Variants in CEP112 observed in about 807,000 individuals in gnomAD.
CEP112 encodes the protein centrosomal protein of 112 kDa.
Under a neutral mutation model 153.0 loss-of-function variants are expected in CEP112, and 127 were observed. The observed-to-expected ratio is 0.83, with a 90% CI of 0.72 to 0.96. The LOEUF is 0.96. Among genes scored for constraint, CEP112 ranks in the 40% least tolerant of loss-of-function variants. The probability of loss-of-function intolerance (pLI) is 0.00; values close to 1 mark genes in which losing one functional copy is unlikely to be tolerated. For missense variants in CEP112, 1,089 were observed against 1,101.2 expected (o/e 0.99, Z 0.16); for synonymous variants, 358 against 374.4 (o/e 0.96, Z 0.51).
chr17:65,969,135 G>A (rs1018391431), intron 17 of CEP112, among the ~76,000 whole-genome samples: 4 of 148,900 alleles, frequency 2.7e-5, no homozygotes, highest in African/African-American at 1.0e-4. Context: ...CAGCTAGAGT[G>A]CAGTGGTGCG....
intron 19 of CEP112, among the ~76,000 whole-genome samples, chr17:65,925,569 C>A (rs1258858306): frequency 2.0e-5 from 3 of 152,126 alleles, no homozygotes; most frequent in South Asian, 2.1e-4. Context: ...GAAGAATGTG[C>A]CTTTAAAATC....
At chr17:65,734,163 A>G (rs771999797) in intron 23 of CEP112, among the ~76,000 whole-genome samples, 1 of 152,224 alleles carries the variant, frequency 6.6e-6, no homozygotes, top group Non-Finnish European at 1.5e-5. Context: ...CAAACACTTC[A>G]TTAGAGGGAT....
chr17:65,931,497 C>T (rs1165206624), intron 18 of CEP112, among the ~76,000 whole-genome samples: 1 of 152,182 alleles, frequency 6.6e-6, no homozygotes, highest in Non-Finnish European at 1.5e-5. Context: ...GCAGGAGGCC[C>T]ACTTCTGCCT....
intron 12 of CEP112, among the ~76,000 whole-genome samples, chr17:66,032,829 T>A (rs992118678): frequency 1.9e-4 from 29 of 152,054 alleles, no homozygotes; most frequent in Admixed American, 4.6e-4. Flanking sequence ...ATATGAGACA[T>A]CACACAAAAT....
At position 66,057,361 on chromosome 17, in the gene CEP112, T is replaced by C. The variant is rs181448830; in HGVS notation, c.1075-3482A>G. Among the ~76,000 whole-genome samples the C allele has an allele frequency of 8.6e-4, 131 of 152,278 alleles. 3 individuals are homozygous for C. In the South Asian group the frequency reaches 8.7e-3, roughly 10 times the overall value. On this transcript the variant is annotated intron_variant, in intron 11 of 26. Coordinates refer to ENST00000535342, the MANE Select transcript of CEP112 (RefSeq NM_001199165.4). ...AGTAGCTGAGTTGATCCCTATCCCATAGAGAATACCCTACTGGGTAGGTAT... is the reference window on the plus strand; with the variant it reads ...AGTAGCTGAGTTGATCCCTATCCCACAGAGAATACCCTACTGGGTAGGTAT...
rs2065571234 is a variant in CEP112 at position 66,033,284 on chromosome 17, AAT to A, written c.1219-3263_1219-3262del. On this transcript the variant is annotated intron_variant, in intron 12 of 26. Transcript: ENST00000535342. ...AAACTATACATGAAAATAATATACA[AAT>A]AGAGTATACTGTAAAAGTCACACAG... is the stretch of plus-strand genomic sequence containing the variant. Among the ~76,000 whole-genome samples the A allele has an allele frequency of 2.0e-4, 4 of 19,926 alleles. No individual in the cohort carries two copies. The South Asian group carries it at 4.3e-3, about 21-fold the overall frequency. The allele number at this position is 19,926 out of a possible 152,430, so 13.1% of individuals were successfully genotyped here.
intron 12 of CEP112, among the ~76,000 whole-genome samples, chr17:66,040,963 T>G (rs1200304475): frequency 6.6e-6 from 1 of 152,224 alleles, no homozygotes; most frequent in Admixed American, 6.5e-5. Flanking sequence ...TATCATTTTA[T>G]CTGCACATTT....
intron 16 of CEP112, among the ~76,000 whole-genome samples, chr17:66,025,265 C>T (rs1035291305): frequency 3.3e-5 from 5 of 151,918 alleles, no homozygotes; most frequent in African/African-American, 9.7e-5. Flanking sequence ...GCACAAGCAA[C>T]AAAAACAGAC....
At chr17:65,914,869 C>T (rs1210373197) in intron 19 of CEP112, among the ~76,000 whole-genome samples, 2 of 152,238 alleles carry the variant, frequency 1.3e-5, no homozygotes, top group Non-Finnish European at 2.9e-5. Context: ...AACGCATTGT[C>T]TGTCCACCCA....
At chr17:65,780,945 G>C (rs2145623379) in intron 21 of CEP112, among the ~76,000 whole-genome samples, 1 of 151,786 alleles carries the variant, frequency 6.6e-6, no homozygotes, top group East Asian at 1.9e-4. Flanking sequence ...TGGTTCAATT[G>C]GGTAAGAAAA....
intron 21 of CEP112, among the ~76,000 whole-genome samples, chr17:65,776,160 C>T (rs1567996567): frequency 6.6e-6 from 1 of 152,174 alleles, no homozygotes; most frequent in Non-Finnish European, 1.5e-5. Flanking sequence ...ATCTCTATGC[C>T]ACCCCAAACC....
chr17:65,824,527 T>C (rs901448546), intron 21 of CEP112, among the ~76,000 whole-genome samples: 4 of 152,304 alleles, frequency 2.6e-5, no homozygotes, highest in Middle Eastern at 3.4e-3. Flanking sequence ...ATATAAGTTA[T>C]AGTTGTTTTA....
chr17:66,150,547 T>C (rs1355108830), intron 4 of CEP112, among the ~76,000 whole-genome samples: 1 of 152,358 alleles, frequency 6.6e-6, no homozygotes, highest in East Asian at 1.9e-4. Flanking sequence ...GTGTTCTTTA[T>C]GTCTGTTAGG....
intron 20 of CEP112, among the ~76,000 whole-genome samples, chr17:65,892,211 G>A (rs940208676): frequency 1.3e-5 from 2 of 152,258 alleles, no homozygotes; most frequent in Admixed American, 6.5e-5. Flanking sequence ...CCTAGGGCCC[G>A]GCACAGGGTA....
chr17:65,660,760 CCCAGGCTGGGCAAT>C (rs2046350997), intron 24 of CEP112, among the ~76,000 whole-genome samples: 1 of 151,940 alleles, frequency 6.6e-6, no homozygotes, highest in Non-Finnish European at 1.5e-5. Context: ...TGTTGCCCAG[CCCAGGCTGGGCAAT>C]CTACCTGCTT....
At chr17:65,923,328 G>A (rs1278180943) in intron 19 of CEP112, among the ~76,000 whole-genome samples, 1 of 151,994 alleles carries the variant, frequency 6.6e-6, no homozygotes, top group Non-Finnish European at 1.5e-5. Context: ...CATATAAATT[G>A]TCTGAATTTA....
At chr17:65,786,572 C>CTTTTTTTTTTTTTTT (rs1195368604) in intron 21 of CEP112, among the ~76,000 whole-genome samples, 38 of 101,598 alleles carry the variant, frequency 3.7e-4, no homozygotes, top group African/African-American at 4.9e-4. Context: ...TTAGCCAATT[C>CTTTTTTTTTTTTTTT]TTTTTTTTTT....
intron 11 of CEP112, among the ~76,000 whole-genome samples, chr17:66,059,923 A>G (rs1470198164): frequency 6.6e-6 from 1 of 152,188 alleles, no homozygotes; most frequent in Non-Finnish European, 1.5e-5. Context: ...TGGATTGGAT[A>G]AAGAAAATGT....
intron 23 of CEP112, among the ~76,000 whole-genome samples, chr17:65,691,871 C>A (rs1366531356): frequency 6.6e-6 from 1 of 152,170 alleles, no homozygotes; most frequent in Non-Finnish European, 1.5e-5. Context: ...TCAGAGTGAA[C>A]TTCTTAAACT....
Sources: allele counts gnomAD v4.1 joint callset (sites outside exome capture counted in the v4.1 genomes callset), GRCh38; gene constraint gnomAD v4.1.1; transcripts MANE v1.5; gene names NCBI Gene and HGNC (gene_info 2026-07-23, HGNC 2026-07-21).